PTPRK: variants seen among roughly 807,000 people sequenced by gnomAD.
PTPRK encodes the protein protein tyrosine phosphatase receptor type K, also known as receptor-type tyrosine-protein phosphatase kappa.
In PTPRK, 75 loss-of-function variants were observed where a neutral mutation model predicts 178.0. That is an observed-to-expected ratio of 0.42 (90% CI 0.35 to 0.51). The LOEUF is 0.51. Ranked by LOEUF, PTPRK falls within the 20% of genes least tolerant of loss-of-function variation. The probability of loss-of-function intolerance (pLI) is 0.02; values close to 1 mark genes in which losing one functional copy is unlikely to be tolerated. For synonymous variants in PTPRK, 637 were observed against 620.6 expected (o/e 1.03, Z -0.39); for missense variants, 1,441 against 1,797.8 (o/e 0.80, Z 3.59).
At chr6:128,112,643 T>C (rs1790859472) in intron 7 of PTPRK, among the ~76,000 whole-genome samples, 1 of 152,142 alleles carries the variant, frequency 6.6e-6, no homozygotes, top group Non-Finnish European at 1.5e-5. Context: ...TGCCCTGCCT[T>C]GGCAAGTTCA....
rs371068552 is a variant in PTPRK, at chr6:128,369,622, T to C, written c.223+27944A>G. Among the ~76,000 whole-genome samples the C allele has an allele frequency of 7.8e-4, 119 of 152,298 alleles. 3 individuals are homozygous for C. In the South Asian group the frequency reaches 0.023, roughly 30 times the overall value. ...ATGTTAATAAATTTATAGAAATTACTGTCTTCCAAACTCACATGTATTGAG... is the reference window on the plus strand; with the variant it reads ...ATGTTAATAAATTTATAGAAATTACCGTCTTCCAAACTCACATGTATTGAG... On this transcript the variant is annotated intron_variant, in intron 2 of 29. Transcript: ENST00000368226.
chr6:128,478,405 C>T lies in PTPRK; in HGVS notation c.100+41854G>A, dbSNP rs141967063. ...CTGCTTGGTACTTTTATTTGATGTG[C>T]TAGTTCCGGAACTGCTCTAACCTTC... On this transcript the variant is annotated intron_variant, in intron 1 of 29. Transcript: ENST00000368226. Among the ~76,000 whole-genome samples the T allele has an allele frequency of 4.1e-3, 627 of 152,194 alleles. 5 individuals carry two copies. The highest frequency in any genetic ancestry group is 0.014 in the African/African-American group (581 of 41,540).
chr6:127,977,225 A>G (rs997366794), intron 25 of PTPRK, among the ~76,000 whole-genome samples, 171 bp from the exon 26 acceptor site: 3 of 152,254 alleles, frequency 2.0e-5, no homozygotes, highest in African/African-American at 4.8e-5. Context: ...GACCACTGGA[A>G]TGAACTGAAT....
In PTPRK at chr6:128,397,701, A is replaced by T; in HGVS notation, c.101-13T>A. The T allele has an allele frequency of 6.2e-7, 1 of 1,612,058 alleles. No individual in the cohort carries two copies. Among genetic ancestry groups the T allele is most frequent in the East Asian group, 2.2e-5 (1 of 44,860 alleles). Reference sequence around the variant, plus strand: ...AAAGTACAGCCACCTAGGAGAAAAGAAGACTACTGTTACATTCTAAACAGA... The same window carrying T: ...AAAGTACAGCCACCTAGGAGAAAAGTAGACTACTGTTACATTCTAAACAGA... On this transcript the variant is annotated splice_polypyrimidine_tract_variant and intron_variant, in intron 1 of 29. Coordinates refer to ENST00000368226, the MANE Select transcript of PTPRK (RefSeq NM_002844.4).
chr6:128,428,445 G>A (rs1844436800), intron 1 of PTPRK, among the ~76,000 whole-genome samples: 1 of 152,166 alleles, frequency 6.6e-6, no homozygotes, highest in African/African-American at 2.4e-5. Context: ...AGCATACTGA[G>A]ATCAGTAAAG....
At chr6:128,176,628 G>A (rs1029369823) in intron 7 of PTPRK, among the ~76,000 whole-genome samples, 1 of 151,692 alleles carries the variant, frequency 6.6e-6, no homozygotes, top group Non-Finnish European at 1.5e-5. Flanking sequence ...TCACTCATTT[G>A]CTTTTTCCTT....
intron 11 of PTPRK, among the ~76,000 whole-genome samples, chr6:128,073,466 G>A (rs956392066): frequency 2.0e-5 from 3 of 151,956 alleles, no homozygotes; most frequent in African/African-American, 7.2e-5. Flanking sequence ...GTATCCGTTG[G>A]GCAGAAATCT....
intron 1 of PTPRK, among the ~76,000 whole-genome samples, chr6:128,442,773 G>C (rs543477694): frequency 3.3e-4 from 51 of 152,280 alleles, no homozygotes; most frequent in African/African-American, 1.1e-3. Context: ...GAGGATAGAG[G>C]CATATAAAGG....
intron 23 of PTPRK, 98 bp downstream of exon 23, chr6:127,983,143 CT>C: frequency 7.6e-7 from 1 of 1,319,088 alleles, no homozygotes; most frequent in Non-Finnish European, 1.0e-6. Flanking sequence ...TGAAAAACAT[CT>C]CTTTCGGTTG....
At chr6:128,065,815 C>A (rs939866080) in intron 12 of PTPRK, among the ~76,000 whole-genome samples, 2 of 152,112 alleles carry the variant, frequency 1.3e-5, no homozygotes, top group Non-Finnish European at 2.9e-5. Context: ...CCCATAAAGG[C>A]CCCAAAGGAT....
At chr6:128,024,818 A>C (rs758408706) in intron 13 of PTPRK, among the ~76,000 whole-genome samples, 5 of 152,098 alleles carry the variant, frequency 3.3e-5, no homozygotes, top group African/African-American at 7.2e-5. Flanking sequence ...TCAAAAACAA[A>C]AACAACAACA....
intron 1 of PTPRK, among the ~76,000 whole-genome samples, chr6:128,452,008 T>G (rs1179272774): frequency 6.6e-6 from 1 of 152,188 alleles, no homozygotes; most frequent in East Asian, 1.9e-4. Context: ...GGATGCAAGA[T>G]AAATATACTT....
chr6:128,265,599 C>T (rs1336015425), intron 3 of PTPRK, among the ~76,000 whole-genome samples: 2 of 152,036 alleles, frequency 1.3e-5, no homozygotes, highest in Non-Finnish European at 2.9e-5. Context: ...AGTCTGGTGC[C>T]ACAGTTCTTG....
At chr6:128,284,217 C>T (rs1822110898) in intron 3 of PTPRK, among the ~76,000 whole-genome samples, 1 of 152,140 alleles carries the variant, frequency 6.6e-6, no homozygotes. Context: ...CTTTTAAATG[C>T]CAATGCCTGT....
intron 13 of PTPRK, among the ~76,000 whole-genome samples, chr6:128,024,879 A>T (rs1046890415): frequency 1.3e-5 from 2 of 152,188 alleles, no homozygotes; most frequent in Non-Finnish European, 2.9e-5. Context: ...AGAATTTATC[A>T]TTAGATTTTT....
chr6:128,010,545 C>G (rs1778940180), intron 13 of PTPRK, among the ~76,000 whole-genome samples: 1 of 151,172 alleles, frequency 6.6e-6, no homozygotes, highest in African/African-American at 2.4e-5. Context: ...CCACTTTTCC[C>G]AACAGCCACA....
intron 5 of PTPRK, among the ~76,000 whole-genome samples, chr6:128,237,446 A>G (rs564492133): frequency 6.6e-6 from 1 of 152,342 alleles, no homozygotes; most frequent in South Asian, 2.1e-4. Context: ...ACTTAAAGGT[A>G]CCATTTTTCC....
At chr6:128,461,417 T>C (rs1849033548) in intron 1 of PTPRK, among the ~76,000 whole-genome samples, 1 of 152,138 alleles carries the variant, frequency 6.6e-6, no homozygotes, top group Non-Finnish European at 1.5e-5. Context: ...AAAATAAATT[T>C]TGCACACACA....
chr6:128,013,343 C>T lies in PTPRK; in HGVS notation c.2195-4075G>A, dbSNP rs76333036. Among the ~76,000 whole-genome samples the T allele has an allele frequency of 8.6e-3, 1,297 of 151,436 alleles. 20 individuals are homozygous for T. The highest frequency in any genetic ancestry group is 0.029 in the African/African-American group (1,215 of 41,410). On this transcript the variant is annotated intron_variant, in intron 13 of 29. Coordinates refer to ENST00000368226, the MANE Select transcript of PTPRK (RefSeq NM_002844.4). ...TATCCATTTTCATCTCTTTAGTTAC[C>T]ATCCTGATAACTGATCACTCTCTAA...
Sources: gnomAD v4.1 joint callset for allele counts (sites outside exome capture counted in the v4.1 genomes callset) on GRCh38, gnomAD v4.1.1 for gene constraint, MANE v1.5 for transcripts, NCBI Gene and HGNC (gene_info 2026-07-23, HGNC 2026-07-21) for gene names.